The following DPP10 variants were observed in gnomAD, a reference collection of about 807,000 sequenced individuals.
DPP10 encodes inactive dipeptidyl peptidase 10.
A neutral mutation model predicts 120.9 loss-of-function variants in DPP10; 33 were observed. That is an observed-to-expected ratio of 0.27 (90% CI 0.21 to 0.37). DPP10 has a LOEUF of 0.37. Among genes scored for constraint, DPP10 ranks in the 10% least tolerant of loss-of-function variants. DPP10 has a pLI of 1.00. For missense variants in DPP10, 816 were observed against 942.8 expected, an observed-to-expected ratio of 0.87 and a Z score of 1.76; for synonymous variants, 337 against 326.1, an observed-to-expected ratio of 1.03 and a Z score of -0.36.
Position 115,727,940 on chromosome 2 carries a change from A to C in DPP10, c.697+4A>C, listed in dbSNP as rs752488077. On this transcript the variant is annotated splice_donor_region_variant and intron_variant, in intron 8 of 25. Transcript: ENST00000410059. Reference sequence around the variant, plus strand: ...ATTGCTGACTGGTTATATGAAGGTGAGTTGATCAGATTTAGTTTCAAAGGA... The same window carrying C: ...ATTGCTGACTGGTTATATGAAGGTGCGTTGATCAGATTTAGTTTCAAAGGA... The C allele has an allele frequency of 1.3e-5, 21 of 1,594,016 alleles. No individual in the cohort carries two copies. The highest frequency in any genetic ancestry group is 8.5e-7 in the Non-Finnish European group (1 of 1,173,720).
intron 1 of DPP10, among the ~76,000 whole-genome samples, chr2:114,611,220 C>G (rs1403278729): frequency 6.6e-6 from 1 of 152,062 alleles, no homozygotes; most frequent in Admixed American, 6.6e-5. Flanking sequence ...TAATTATCTG[C>G]TCATCCAGGA....
chr2:115,526,139 A>T (rs918171283), intron 5 of DPP10, 167 bp downstream of exon 5: 1 of 529,458 alleles, frequency 1.9e-6, no homozygotes, highest in African/African-American at 2.0e-5. Context: ...GATAATGTCC[A>T]AACATCTTCC....
At chr2:115,147,766 G>A (rs1018608205) in intron 1 of DPP10, among the ~76,000 whole-genome samples, 2 of 152,216 alleles carry the variant, frequency 1.3e-5, no homozygotes, top group South Asian at 4.2e-4. Context: ...CTTTTCATGG[G>A]AGTGGGCAGG....
chr2:115,299,029 A>G (rs771390948), intron 1 of DPP10, among the ~76,000 whole-genome samples: 1 of 152,064 alleles, frequency 6.6e-6, no homozygotes, highest in African/African-American at 2.4e-5. Context: ...CTAAATAGCA[A>G]CTGACTTTGA....
chr2:114,731,676 G>A (rs982693074), intron 1 of DPP10, among the ~76,000 whole-genome samples: 2 of 152,186 alleles, frequency 1.3e-5, no homozygotes, highest in East Asian at 1.9e-4. Context: ...AGGTTCAGGT[G>A]TGTTGGTCAT....
At chr2:115,601,983 T>C (rs1431772239) in intron 5 of DPP10, among the ~76,000 whole-genome samples, 1 of 152,098 alleles carries the variant, frequency 6.6e-6, no homozygotes, top group East Asian at 1.9e-4. Context: ...GCCCGGCCAA[T>C]TGTGTAACTT....
chr2:114,518,795 T>A (rs1332325678), intron 1 of DPP10, among the ~76,000 whole-genome samples: 1 of 152,208 alleles, frequency 6.6e-6, no homozygotes, highest in Non-Finnish European at 1.5e-5. Context: ...CATAGCGGGT[T>A]ATCCAACTAC....
At chr2:115,097,908 A>T (rs2048479656) in intron 1 of DPP10, among the ~76,000 whole-genome samples, 1 of 152,146 alleles carries the variant, frequency 6.6e-6, no homozygotes, top group African/African-American at 2.4e-5. Context: ...AGATTTTGGG[A>T]CAGAAATGGG....
chr2:115,076,132 G>T (rs1707768366), intron 1 of DPP10, among the ~76,000 whole-genome samples: 1 of 151,982 alleles, frequency 6.6e-6, no homozygotes, highest in Non-Finnish European at 1.5e-5. Flanking sequence ...TGTTGTTGTT[G>T]AAGTTTTAAA....
chr2:114,874,571 C>T (rs1690989552), intron 1 of DPP10, among the ~76,000 whole-genome samples: 1 of 151,916 alleles, frequency 6.6e-6, no homozygotes, highest in African/African-American at 2.4e-5. Flanking sequence ...TCAGGGCTCC[C>T]ACTGACTCTA....
chr2:115,389,444 C>G (rs750255208), intron 3 of DPP10, among the ~76,000 whole-genome samples: 1 of 152,182 alleles, frequency 6.6e-6, no homozygotes, highest in Non-Finnish European at 1.5e-5. Context: ...TGCCCCTAAA[C>G]ACTCTGAGAA....
At chr2:114,728,606 G>A (rs192620723) in intron 1 of DPP10, among the ~76,000 whole-genome samples, 20 of 152,178 alleles carry the variant, frequency 1.3e-4, no homozygotes, top group East Asian at 1.2e-3. Context: ...CCAGAGAAGC[G>A]GACTGCATTT....
intron 3 of DPP10, among the ~76,000 whole-genome samples, chr2:115,442,579 G>C (rs2072180013): frequency 6.6e-6 from 1 of 152,108 alleles, no homozygotes; most frequent in Non-Finnish European, 1.5e-5. Flanking sequence ...TTGTTTGCCT[G>C]TGAGCATATT....
chr2:114,795,292 A>G lies in DPP10; in HGVS notation c.60+352454A>G, dbSNP rs547867070. On this transcript the variant is annotated intron_variant, in intron 1 of 25. Coordinates refer to ENST00000410059, the MANE Select transcript of DPP10 (RefSeq NM_020868.6). ...GAGGTGGAGAGTTTGAGACCAACCT[A>G]GCCAACATGGTGAAACCCCACCTCT... is the stretch of plus-strand genomic sequence containing the variant. Among the ~76,000 whole-genome samples, 10 of 151,344 alleles carry G rather than the reference A, an allele frequency of 6.6e-5. No homozygotes were observed. The Admixed American group carries it at 6.6e-4, about 10-fold the overall frequency.
intron 1 of DPP10, among the ~76,000 whole-genome samples, chr2:115,237,144 TC>T (rs34539962): frequency 0.067 from 10,217 of 152,080 alleles, 429 homozygotes; most frequent in East Asian, 0.2. Context: ...ATTTTTTTTT[TC>T]CAAATGAAAA....
intron 1 of DPP10, among the ~76,000 whole-genome samples, chr2:114,610,911 C>T (rs776329678): frequency 6.6e-6 from 1 of 152,050 alleles, no homozygotes. Flanking sequence ...ACCACCACCC[C>T]CCTTCTCCCA....
Position 114,456,625 on chromosome 2 carries a change from A to G in DPP10, c.60+13787A>G, listed in dbSNP as rs139507453. On this transcript the variant is annotated intron_variant, in intron 1 of 25. Coordinates refer to ENST00000410059, the MANE Select transcript of DPP10 (RefSeq NM_020868.6). Reference sequence around the variant, plus strand: ...TATGTTGTTGAATAAAAATAGCAGTATATAATGAAGTATATATACACTGTA... The same window carrying G: ...TATGTTGTTGAATAAAAATAGCAGTGTATAATGAAGTATATATACACTGTA... Among the ~76,000 whole-genome samples the G allele has an allele frequency of 3.1e-3, 466 of 152,360 alleles. 1 individual carries two copies. Among genetic ancestry groups the G allele is most frequent in the African/African-American group, 0.011 (449 of 41,590 alleles).
chr2:114,487,534 T>G (rs1681617747), intron 1 of DPP10, among the ~76,000 whole-genome samples: 1 of 152,202 alleles, frequency 6.6e-6, no homozygotes. Context: ...AATTTTCTGA[T>G]TATTAGACTA....
intron 21 of DPP10, among the ~76,000 whole-genome samples, chr2:115,827,931 A>AG (rs1688543256): frequency 6.6e-6 from 1 of 152,104 alleles, no homozygotes; most frequent in Admixed American, 6.5e-5. Flanking sequence ...ATTTAAATAT[A>AG]GTGTTTAAAT....
Sources: allele counts gnomAD v4.1 joint callset (sites outside exome capture counted in the v4.1 genomes callset), GRCh38; gene constraint gnomAD v4.1.1; transcripts MANE v1.5; gene names NCBI Gene and HGNC (gene_info 2026-07-23, HGNC 2026-07-21).